ZNF775: variants seen among roughly 807,000 people sequenced by gnomAD.
The protein encoded by ZNF775 is zinc finger protein 775.
In ZNF775, 1 loss-of-function variant was observed where a neutral mutation model predicts 2.4. The ratio of observed to expected loss-of-function variants is 0.41; its 90% confidence interval spans 0.15 to 1.94. The LOEUF is 1.94. Ranked by LOEUF, ZNF775 falls within the 30% of genes most tolerant of loss-of-function variation. The pLI is 0.30. For synonymous variants in ZNF775, 381 were observed against 373.3 expected (o/e 1.02, Z -0.24); for missense variants, 823 against 826.6 (o/e 1.00, Z 0.05).
chr7:150,390,025 C>T (rs1288206256), intron 2 of ZNF775, among the ~76,000 whole-genome samples: 2 of 151,976 alleles, frequency 1.3e-5, no homozygotes, highest in African/African-American at 4.8e-5. Context: ...CCATCTATTT[C>T]CACAACATTT....
At chr7:150,392,900 T>C (rs1742067370) in intron 2 of ZNF775, among the ~76,000 whole-genome samples, 1 of 152,224 alleles carries the variant, frequency 6.6e-6, no homozygotes, top group Admixed American at 6.5e-5. Flanking sequence ...AGTTCCCCTA[T>C]ACCTTAGCTC....
intron 1 of ZNF775, 72 bp from the exon 2 acceptor site, chr7:150,388,350 G>C (rs907745653): frequency 1.0e-5 from 12 of 1,198,120 alleles, no homozygotes; most frequent in African/African-American, 1.5e-5. Context: ...GGATGGGAGG[G>C]GGGCTGGGGA....
At chr7:150,391,713 T>C (rs1451687759) in intron 2 of ZNF775, among the ~76,000 whole-genome samples, 2 of 144,470 alleles carry the variant, frequency 1.4e-5, no homozygotes, top group African/African-American at 2.5e-5. Context: ...TTTCTTTTTT[T>C]TTTTTTTTTT....
rs1438665841 is a variant in ZNF775, at chr7:150,384,225, A to C, written c.-49-4197A>C. Among the ~76,000 whole-genome samples the C allele has an allele frequency of 6.6e-6, 1 of 152,190 alleles. No homozygotes were observed. The highest frequency in any genetic ancestry group is 1.5e-5 in the Non-Finnish European group (1 of 68,022). On this transcript the variant is annotated intron_variant, in intron 1 of 2. Transcript: ENST00000329630. This position sits in a 1 kb window ranked among gnomAD's most constrained non-coding sequence, Gnocchi z 4.1. ...AGAGCCCGAGGGGCAGCAGAGAGGA[A>C]AGGTGGTCCGGTAGGGGCCCGGGGG...
In ZNF775 at chr7:150,382,031, G is replaced by A. The variant is rs1257976692; in HGVS notation, c.-50+2639G>A. Among the ~76,000 whole-genome samples the A allele has an allele frequency of 6.6e-6, 1 of 152,006 alleles. No individual in the cohort carries two copies. Among genetic ancestry groups the A allele is most frequent in the Non-Finnish European group, 1.5e-5 (1 of 67,980 alleles). On this transcript the variant is annotated intron_variant, in intron 1 of 2. Transcript: ENST00000329630. The surrounding 1 kb of genome is among the most constrained non-coding windows in gnomAD (Gnocchi z 4.6). ...GTGTGGGGATGGAGGCCTCCAGGTGGGGGAGGGGATGCCCACCTGGTTTGG... is the reference window on the plus strand; with the variant it reads ...GTGTGGGGATGGAGGCCTCCAGGTGAGGGAGGGGATGCCCACCTGGTTTGG...
intron 1 of ZNF775, among the ~76,000 whole-genome samples, chr7:150,385,520 G>A (rs111592977): frequency 1.9e-3 from 108 of 58,034 alleles, no homozygotes; most frequent in African/African-American, 3.3e-4. Flanking sequence ...GCAATACCCC[G>A]AATGACTGCA....
intron 1 of ZNF775, among the ~76,000 whole-genome samples, chr7:150,385,676 C>T (rs1800440077): frequency 6.6e-6 from 1 of 152,184 alleles, no homozygotes; most frequent in Non-Finnish European, 1.5e-5. Flanking sequence ...CTGGACATTA[C>T]CATTTGTCAC....
rs748863976 is a variant in ZNF775, at chr7:150,396,751, G to C, written c.270G>C (p.Gly90=). ...CGGGGCTGGCAGGCCGGGCTCCCGG[G>C]TCAGCCTCCGGCCCCCTGAGCCCCT... ...QDAGLAGRAP[G]SASGPLSPSL... Residue 90 remains glycine, a synonymous_variant, in exon 3 of 3, where the codon GGG becomes GGC. Coordinates refer to ENST00000329630, the MANE Select transcript of ZNF775 (RefSeq NM_173680.4). 1.9e-6 allele frequency: 3 copies of C among 1,588,208 alleles called. No homozygotes were observed. The highest frequency in any genetic ancestry group is 2.7e-5 in the African/African-American group (2 of 74,538).
chr7:150,394,742 T>C (rs986251653), intron 2 of ZNF775, among the ~76,000 whole-genome samples: 3 of 145,226 alleles, frequency 2.1e-5, no homozygotes, highest in African/African-American at 7.4e-5. Flanking sequence ...AATTTTATCA[T>C]ATGACTTTTT....
rs940486407 is a variant in ZNF775, at chr7:150,382,982, C to T, written c.-50+3590C>T. Among the ~76,000 whole-genome samples the T allele has an allele frequency of 2.0e-5, 3 of 152,208 alleles. No homozygotes were observed. The highest frequency in any genetic ancestry group is 4.4e-5 in the Non-Finnish European group (3 of 68,034). ...CAGTGATTCGTGCTGCCCTGGTTCA[C>T]AGTGGCACGTTTGTGTGTCTGTGGA... On this transcript the variant is annotated intron_variant, in intron 1 of 2. Transcript: ENST00000329630. The surrounding 1 kb of genome is among the most constrained non-coding windows in gnomAD (Gnocchi z 4.6).
rs1331246178 is a variant in ZNF775, at chr7:150,397,167, A to T, written c.686A>T (p.Gln229Leu). Residue 229 changes from glutamine (Q) to leucine (L), a missense_variant, in exon 3 of 3, where the codon CAG becomes CTG. Gln to Leu is a moderately radical substitution (Grantham distance 113). Coordinates refer to ENST00000329630, the MANE Select transcript of ZNF775 (RefSeq NM_173680.4). The part of the protein sequence containing the change: ...GSRAGLHELI[Q>L]DAAARRACRL... ...CGCGCCGGCCTGCACGAGCTGATTCAGGACGCGGCGGCGCGCCGGGCCTGT... is the reference window on the plus strand; with the variant it reads ...CGCGCCGGCCTGCACGAGCTGATTCTGGACGCGGCGGCGCGCCGGGCCTGT... The T allele has an allele frequency of 7.3e-7, 1 of 1,378,736 alleles. No individual in the cohort carries two copies. Among genetic ancestry groups the T allele is most frequent in the Non-Finnish European group, 9.3e-7 (1 of 1,074,100 alleles). 85.4% of individuals were successfully genotyped at this position (1,378,736 alleles called of 1,614,324 possible). A position where few individuals can be genotyped will look rare whatever the true frequency, so the allele number is the denominator to read the frequency against.
rs1800424764 is a variant in ZNF775 at position 150,384,944 on chromosome 7, C to T, written c.-49-3478C>T. ...GGAGACCCAGGCCCATCCTTCTGTC[C>T]TCCTGAATTTGTGGCCTGGGCTCTG... On this transcript the variant is annotated intron_variant, in intron 1 of 2. Transcript: ENST00000329630. The surrounding 1 kb of genome is among the most constrained non-coding windows in gnomAD (Gnocchi z 4.1). 6.6e-6 allele frequency among the ~76,000 whole-genome samples: 1 copy of T among 152,198 alleles called. No individual in the cohort carries two copies. The highest frequency in any genetic ancestry group is 2.1e-4 in the South Asian group (1 of 4,834).
intron 2 of ZNF775, among the ~76,000 whole-genome samples, chr7:150,392,372 A>G (rs1029255726): frequency 1.2e-4 from 18 of 152,152 alleles, no homozygotes; most frequent in African/African-American, 4.3e-4. Context: ...TGTGTACTGT[A>G]CATTATTGTA....
chr7:150,389,124 G>A (rs534911235), intron 2 of ZNF775, among the ~76,000 whole-genome samples: 18 of 152,366 alleles, frequency 1.2e-4, no homozygotes, highest in Admixed American at 7.2e-4. Flanking sequence ...GTGCCCTGTC[G>A]CATGTGGCGT....
At position 150,396,078 on chromosome 7, in the gene ZNF775, T is replaced by A. The variant is rs576012378; in HGVS notation, c.32-435T>A. 2.6e-5 allele frequency among the ~76,000 whole-genome samples: 4 copies of A among 152,256 alleles called. No homozygotes were observed. In the East Asian group the frequency reaches 7.7e-4, roughly 29 times the overall value. ...CGATCCTCTTAGAAAAAGAATGGTA[T>A]GTTTTGCAGCTTGGCCACTTTCTCC... On this transcript the variant is annotated intron_variant, in intron 2 of 2. Coordinates refer to ENST00000329630, the MANE Select transcript of ZNF775 (RefSeq NM_173680.4).
chr7:150,379,563 C>T (rs1800324530), intron 1 of ZNF775, among the ~76,000 whole-genome samples, 171 bp downstream of exon 1: 1 of 151,906 alleles, frequency 6.6e-6, no homozygotes, highest in South Asian at 2.1e-4. Context: ...GCCCCGCGCG[C>T]CCCCCGAGCC....
chr7:150,384,242 G>C lies in ZNF775; in HGVS notation c.-49-4180G>C, dbSNP rs1800414016. Among the ~76,000 whole-genome samples the C allele has an allele frequency of 6.6e-6, 1 of 152,254 alleles. No individual in the cohort carries two copies. The highest frequency in any genetic ancestry group is 2.4e-5 in the African/African-American group (1 of 41,464). On this transcript the variant is annotated intron_variant, in intron 1 of 2. Transcript: ENST00000329630. The surrounding 1 kb of genome is among the most constrained non-coding windows in gnomAD (Gnocchi z 4.1). ...AGAGAGGAAAGGTGGTCCGGTAGGGGCCCGGGGGCCCTTGTGCGATAGACA... is the reference window on the plus strand; with the variant it reads ...AGAGAGGAAAGGTGGTCCGGTAGGGCCCCGGGGGCCCTTGTGCGATAGACA...
At chr7:150,392,545 A>ATCTCTCTCTCTCTCTCTCTCTCTCTCTC (rs56067146) in intron 2 of ZNF775, among the ~76,000 whole-genome samples, 14 of 136,652 alleles carry the variant, frequency 1.0e-4, no homozygotes, top group African/African-American at 3.6e-4. Flanking sequence ...TCCCAAATGG[A>ATCTCTCTCTCTCTCTCTCTCTCTCTCTC]TCTCTCTCTC....
At chr7:150,386,447 T>C (rs1800455006) in intron 1 of ZNF775, among the ~76,000 whole-genome samples, 3 of 152,100 alleles carry the variant, frequency 2.0e-5, no homozygotes, top group Non-Finnish European at 4.4e-5. Flanking sequence ...TATTCACCCC[T>C]CCCCCGACGT....
Sources: gnomAD v4.1 joint callset for allele counts (sites outside exome capture counted in the v4.1 genomes callset) on GRCh38, gnomAD v4.1.1 for gene constraint, Gnocchi (gnomAD v3.1) non-coding constraint, MANE v1.5 for transcripts, NCBI Gene and HGNC (gene_info 2026-07-23, HGNC 2026-07-21) for gene names.